HOMER1: variants seen among roughly 807,000 people sequenced by gnomAD.
HOMER1 encodes homer scaffold protein 1.
Under a neutral mutation model 48.9 loss-of-function variants are expected in HOMER1, and 3 were observed. The ratio of observed to expected loss-of-function variants is 0.06; its 90% CI spans 0.03 to 0.16. HOMER1 has a LOEUF of 0.16. Ranked by LOEUF, HOMER1 falls within the 10% of genes least tolerant of loss-of-function variation. The probability of loss-of-function intolerance (pLI) is 1.00; values close to 1 mark genes in which losing one functional copy is unlikely to be tolerated. For synonymous variants in HOMER1, 134 were observed against 146.4 expected (o/e 0.92, Z 0.61); for missense variants, 247 against 411.4 (o/e 0.60, Z 3.46).
chr5:79,454,255 GT>G (rs1485199777), intron 2 of HOMER1, among the ~76,000 whole-genome samples: 1 of 152,008 alleles, frequency 6.6e-6, no homozygotes, highest in East Asian at 1.9e-4. Context: ...CTTCCATATG[GT>G]TTCTTTTCTC....
At chr5:79,484,958 C>T (rs1752056197) in intron 1 of HOMER1, among the ~76,000 whole-genome samples, 1 of 151,876 alleles carries the variant, frequency 6.6e-6, no homozygotes, top group South Asian at 2.1e-4. Flanking sequence ...AGGCCAACAA[C>T]AGCTGTTCTC....
At chr5:79,386,107 A>G (rs1468427169) in intron 8 of HOMER1, among the ~76,000 whole-genome samples, 1 of 152,158 alleles carries the variant, frequency 6.6e-6, no homozygotes, top group African/African-American at 2.4e-5. Flanking sequence ...TGTAATCCCA[A>G]TACTGGATAT....
At chr5:79,387,899 C>T (rs1749157738) in intron 8 of HOMER1, among the ~76,000 whole-genome samples, 1 of 152,140 alleles carries the variant, frequency 6.6e-6, no homozygotes, top group African/African-American at 2.4e-5. Context: ...CTAGAAGATA[C>T]AGAACAATAC....
intron 1 of HOMER1, among the ~76,000 whole-genome samples, chr5:79,490,929 A>G (rs1268149728): frequency 6.6e-6 from 1 of 151,532 alleles, no homozygotes; most frequent in African/African-American, 2.4e-5. Flanking sequence ...TGTCTCTAAA[A>G]CAGCTAAGTA....
At chr5:79,396,550 G>C (rs565207709) in intron 8 of HOMER1, among the ~76,000 whole-genome samples, 12 of 151,676 alleles carry the variant, frequency 7.9e-5, no homozygotes, top group Admixed American at 7.2e-4. Context: ...CCCAAACCCA[G>C]AGTATTTTTT....
intron 4 of HOMER1, among the ~76,000 whole-genome samples, chr5:79,443,545 A>G (rs1206946209): frequency 6.6e-6 from 1 of 152,196 alleles, no homozygotes; most frequent in African/African-American, 2.4e-5. Context: ...CTGAATTTTT[A>G]AAGATAACTG....
intron 5 of HOMER1, among the ~76,000 whole-genome samples, chr5:79,430,375 C>T (rs76391867): frequency 0.032 from 4,881 of 152,254 alleles, 243 homozygotes; most frequent in African/African-American, 0.11. Flanking sequence ...CAGACAATAA[C>T]AAGTGCTGAT....
intron 1 of HOMER1, among the ~76,000 whole-genome samples, chr5:79,498,720 A>G (rs1752490713): frequency 6.6e-6 from 1 of 152,098 alleles, no homozygotes; most frequent in South Asian, 2.1e-4. Context: ...ATCTGGATAC[A>G]ATATGGTCCA....
chr5:79,513,063 T>C lies in HOMER1; in HGVS notation c.-289A>G. ...CTATTCCACAAAATGAGTCTACAAG[T>C]AGGGAAATGCAGAATCCGGCTTCAC... On this transcript the variant is annotated 5_prime_UTR_variant, in exon 1 of 9. Coordinates refer to ENST00000334082, the MANE Select transcript of HOMER1 (RefSeq NM_004272.5). 4 of 472,092 alleles carry C rather than the reference T, an allele frequency of 8.5e-6. No homozygotes were observed. Among genetic ancestry groups the C allele is most frequent in the Non-Finnish European group, 1.1e-5 (3 of 265,926 alleles). The allele number at this position is 472,092 out of a possible 1,614,324, so 29.2% of individuals were successfully genotyped here.
intron 2 of HOMER1, among the ~76,000 whole-genome samples, chr5:79,454,228 T>C (rs951587367): frequency 1.3e-5 from 2 of 152,188 alleles, no homozygotes. Context: ...AGTTAGCAAA[T>C]GAAATCTATT....
intron 2 of HOMER1, among the ~76,000 whole-genome samples, chr5:79,455,643 A>C (rs137962805): frequency 3.3e-5 from 5 of 152,214 alleles, no homozygotes; most frequent in African/African-American, 1.2e-4. Flanking sequence ...GCAAGCAGGT[A>C]GTAGAAACAA....
chr5:79,391,429 C>G (rs1749248031), intron 8 of HOMER1, among the ~76,000 whole-genome samples: 1 of 149,384 alleles, frequency 6.7e-6, no homozygotes. Flanking sequence ...CGCGCCTGGC[C>G]AAAATCTTTT....
chr5:79,477,856 T>G (rs1751827984), intron 1 of HOMER1, among the ~76,000 whole-genome samples: 1 of 152,128 alleles, frequency 6.6e-6, no homozygotes, highest in Non-Finnish European at 1.5e-5. Context: ...ACAAGATTTT[T>G]TTTTTTTTAA....
chr5:79,450,061 A>G (rs754392361), intron 3 of HOMER1, among the ~76,000 whole-genome samples: 9 of 152,230 alleles, frequency 5.9e-5, no homozygotes, highest in Non-Finnish European at 1.2e-4. Context: ...TAAACACTGT[A>G]TATCTACAAG....
At chr5:79,464,770 C>A (rs1751409168) in intron 1 of HOMER1, among the ~76,000 whole-genome samples, 1 of 152,056 alleles carries the variant, frequency 6.6e-6, no homozygotes, top group Non-Finnish European at 1.5e-5. Context: ...ACTGTATGTC[C>A]CTATGCCATG....
intron 1 of HOMER1, among the ~76,000 whole-genome samples, chr5:79,497,552 C>T (rs756876457): frequency 1.3e-5 from 2 of 151,362 alleles, no homozygotes; most frequent in African/African-American, 2.4e-5. Context: ...GTAATCCCAG[C>T]TACTCAGGGG....
In HOMER1 at chr5:79,491,075, C is replaced by CAAAAAAAAAAAAAAAAAA. The variant is rs10527802; in HGVS notation, c.5+21677_5+21694dup. Among the ~76,000 whole-genome samples the CAAAAAAAAAAAAAAAAAA allele has an allele frequency of 4.8e-4, 18 of 37,246 alleles. 4 individuals carry two copies. Among genetic ancestry groups the CAAAAAAAAAAAAAAAAAA allele is most frequent in the Non-Finnish European group, 1.2e-3 (15 of 12,688 alleles). 24.4% of individuals were successfully genotyped at this position (37,246 alleles called of 152,430 possible). A position where few individuals can be genotyped will look rare whatever the true frequency, so the allele number is the denominator to read the frequency against. On this transcript the variant is annotated intron_variant, in intron 1 of 8. Transcript: ENST00000334082. ...TTTTTGGCCTTCAGTAGTACCAAAGCAAAAAAAAAAAAAAAAAAAAAAAAA... is the reference window on the plus strand; with the variant it reads ...TTTTTGGCCTTCAGTAGTACCAAAGCAAAAAAAAAAAAAAAAAAAAAAAAAAAAAAAAAAAAAAAAAAA...
At chr5:79,503,943 G>A (rs1752677886) in intron 1 of HOMER1, among the ~76,000 whole-genome samples, 2 of 152,128 alleles carry the variant, frequency 1.3e-5, no homozygotes, top group African/African-American at 2.4e-5. Context: ...AACCTGTGTT[G>A]TTCAAGGGCA....
At chr5:79,399,634 T>C (rs1749482951) in intron 6 of HOMER1, among the ~76,000 whole-genome samples, 1 of 152,068 alleles carries the variant, frequency 6.6e-6, no homozygotes, top group Non-Finnish European at 1.5e-5. Flanking sequence ...TTCAAGATAA[T>C]CTCCAAATAA....
Sources: gnomAD v4.1 joint callset for allele counts (sites outside exome capture counted in the v4.1 genomes callset) on GRCh38, gnomAD v4.1.1 for gene constraint, MANE v1.5 for transcripts, NCBI Gene and HGNC (gene_info 2026-07-23, HGNC 2026-07-21) for gene names.